Variants in TRAPPC9 observed in about 807,000 individuals in gnomAD.
TRAPPC9 encodes the protein IKK2 binding protein.
A neutral mutation model predicts 124.0 loss-of-function variants in TRAPPC9; 83 were observed. The ratio of observed to expected loss-of-function variants is 0.67; its 90% CI spans 0.56 to 0.80. The LOEUF (loss-of-function observed/expected upper bound fraction) is 0.80, where lower values mean the gene tolerates loss of function less well. Among genes scored for constraint, TRAPPC9 ranks in the 30% least tolerant of loss-of-function variants. The probability of loss-of-function intolerance (pLI) is 0.00; values close to 1 mark genes in which losing one functional copy is unlikely to be tolerated. For missense variants in TRAPPC9, 1,302 were observed against 1,508.3 expected, an observed-to-expected ratio of 0.86 and a Z score of 2.27; for synonymous variants, 638 against 617.5, an observed-to-expected ratio of 1.03 and a Z score of -0.49.
chr8:140,224,742 T>C (rs1587962347), intron 16 of TRAPPC9, among the ~76,000 whole-genome samples: 1 of 152,220 alleles, frequency 6.6e-6, no homozygotes, highest in Non-Finnish European at 1.5e-5. Context: ...GATATCCTAA[T>C]ATGCCCCAAT....
At chr8:140,098,358 G>A (rs556613116) in intron 17 of TRAPPC9, 78 of 148,636 alleles carry the variant, frequency 5.2e-4, no homozygotes, top group African/African-American at 1.7e-3. Context: ...GCAATCCACA[G>A]GGTAAAGAGT....
At chr8:139,921,951 G>A (rs1326823488) in intron 19 of TRAPPC9, among the ~76,000 whole-genome samples, 1 of 150,640 alleles carries the variant, frequency 6.6e-6, no homozygotes, top group African/African-American at 2.4e-5. Flanking sequence ...CCTCATCCAG[G>A]GGTGTGCACA....
In TRAPPC9 at chr8:140,283,961, A is replaced by G; in HGVS notation, c.2042T>C (p.Ile681Thr). Residue 681 changes from isoleucine to threonine, a missense_variant, in exon 14 of 23, where the codon ATA (isoleucine) becomes ACA (threonine). Transcript: ENST00000438773. The stretch of plus-strand genomic sequence containing the variant: ...TTCCACTGTGGAGCCACTGGTTTTT[A>G]TTCCCGGCAGGTTATCCAGCAAACA... ...SDCLLDNLPG[I>T]KTSGSTVEVI... The G allele has an allele frequency of 3.1e-6, 5 of 1,614,168 alleles. No homozygotes were observed. Among genetic ancestry groups the G allele is most frequent in the Non-Finnish European group, 4.2e-6 (5 of 1,180,028 alleles).
At chr8:140,308,679 G>A (rs988683297) in intron 10 of TRAPPC9, among the ~76,000 whole-genome samples, 9 of 151,978 alleles carry the variant, frequency 5.9e-5, no homozygotes, top group Non-Finnish European at 1.0e-4. Flanking sequence ...TCAGGAGTTC[G>A]AGACCAGCCT....
intron 17 of TRAPPC9, among the ~76,000 whole-genome samples, chr8:140,140,937 T>C (rs560388487): frequency 7.9e-4 from 121 of 152,340 alleles, no homozygotes; most frequent in African/African-American, 2.8e-3. Flanking sequence ...ATACTAATCA[T>C]AGTTAATCCC....
intron 17 of TRAPPC9, among the ~76,000 whole-genome samples, chr8:140,149,623 C>CA (rs397968262): frequency 0.14 from 18,627 of 129,894 alleles, 1,614 homozygotes; most frequent in African/African-American, 0.25. Context: ...GACTCCATCT[C>CA]AAAAAAAAAA....
intron 13 of TRAPPC9, among the ~76,000 whole-genome samples, chr8:140,286,122 GC>G (rs1326546993): frequency 6.6e-6 from 1 of 152,258 alleles, no homozygotes; most frequent in African/African-American, 2.4e-5. Context: ...GAAAGCCTGT[GC>G]TGAGGACTGA....
chr8:140,018,677 G>T (rs944267194), intron 18 of TRAPPC9, among the ~76,000 whole-genome samples: 3 of 152,062 alleles, frequency 2.0e-5, no homozygotes, highest in Non-Finnish European at 2.9e-5. Flanking sequence ...TTGCTAAATT[G>T]ACTTATTATT....
At chr8:139,790,750 T>C (rs1038665649) in intron 21 of TRAPPC9, among the ~76,000 whole-genome samples, 2 of 152,146 alleles carry the variant, frequency 1.3e-5, no homozygotes, top group African/African-American at 4.8e-5. Context: ...GGTTGGATGT[T>C]TGTCTCCACC....
At chr8:140,124,000 G>GC (rs1157728993) in intron 17 of TRAPPC9, among the ~76,000 whole-genome samples, 2 of 152,202 alleles carry the variant, frequency 1.3e-5, no homozygotes, top group Non-Finnish European at 2.9e-5. Flanking sequence ...GGCTGAAGCA[G>GC]CAAGTGTCCC....
At chr8:139,855,722 T>G (rs1827758152) in intron 21 of TRAPPC9, among the ~76,000 whole-genome samples, 1 of 152,214 alleles carries the variant, frequency 6.6e-6, no homozygotes, top group South Asian at 2.1e-4. Flanking sequence ...AGGAGCGGCA[T>G]GTGGGGCATG....
chr8:139,972,165 C>T (rs537047841), intron 19 of TRAPPC9, among the ~76,000 whole-genome samples: 1 of 152,128 alleles, frequency 6.6e-6, no homozygotes, highest in East Asian at 1.9e-4. Flanking sequence ...AAGAACACAC[C>T]CTGATACCAC....
intron 8 of TRAPPC9, 71 bp from the exon 9 acceptor site, chr8:140,360,264 GT>G (rs1563973100): frequency 1.9e-6 from 3 of 1,595,470 alleles, no homozygotes; most frequent in Non-Finnish European, 2.6e-6. Context: ...AATCTAAGTT[GT>G]AAAACTTGGC....
intron 21 of TRAPPC9, among the ~76,000 whole-genome samples, chr8:139,851,474 G>T (rs1054828353): frequency 3.9e-5 from 6 of 152,236 alleles, no homozygotes; most frequent in African/African-American, 1.4e-4. Flanking sequence ...GTGCATCCCG[G>T]AAGGCATGGG....
chr8:140,107,331 GT>G (rs1472158604), intron 17 of TRAPPC9, among the ~76,000 whole-genome samples: 1 of 152,142 alleles, frequency 6.6e-6, no homozygotes, highest in African/African-American at 2.4e-5. Flanking sequence ...TCATTCCTTT[GT>G]TTATTCGCTT....
intron 16 of TRAPPC9, among the ~76,000 whole-genome samples, chr8:140,250,428 G>C (rs1424010047): frequency 6.6e-6 from 1 of 151,938 alleles, no homozygotes; most frequent in East Asian, 1.9e-4. Flanking sequence ...GAATCAAATT[G>C]GATCCACACG....
chr8:140,369,346 A>C (rs759839437), intron 8 of TRAPPC9, among the ~76,000 whole-genome samples: 1 of 152,158 alleles, frequency 6.6e-6, no homozygotes, highest in Non-Finnish European at 1.5e-5. Flanking sequence ...TGTGAGAGGC[A>C]CCTGTTTATT....
At chr8:140,079,432 T>C (rs1210359008) in intron 17 of TRAPPC9, among the ~76,000 whole-genome samples, 1 of 152,046 alleles carries the variant, frequency 6.6e-6, no homozygotes, top group Non-Finnish European at 1.5e-5. Flanking sequence ...AGAAGTAAGA[T>C]AACACTCCCC....
chr8:140,415,772 C>G (rs1026999332), intron 5 of TRAPPC9, among the ~76,000 whole-genome samples: 2 of 151,906 alleles, frequency 1.3e-5, no homozygotes, highest in East Asian at 1.9e-4. Context: ...AGTCCAAGAC[C>G]GGGCTTGGTA....
Sources: gnomAD v4.1 joint callset for allele counts (sites outside exome capture counted in the v4.1 genomes callset) on GRCh38, gnomAD v4.1.1 for gene constraint, MANE v1.5 for transcripts, NCBI Gene and HGNC (gene_info 2026-07-23, HGNC 2026-07-21) for gene names.